The following CHD6 variants were observed in gnomAD, a reference collection of about 807,000 sequenced individuals.
The protein encoded by CHD6 is ATP-dependent chromatin remodeler CHD6.
Under a neutral mutation model 276.9 loss-of-function variants are expected in CHD6, and 50 were observed. The ratio of observed to expected loss-of-function variants is 0.18; its 90% CI spans 0.14 to 0.23. The LOEUF is 0.23. CHD6 is among the 10% of genes least tolerant of loss of function. CHD6 has a pLI of 1.00. For synonymous variants in CHD6, 1,173 were observed against 1,229.3 expected (o/e 0.95, Z 0.96); for missense variants, 2,564 against 3,365.8 (o/e 0.76, Z 5.89).
At chr20:41,568,257 TAATTCTGTTTA>T (rs1381229774) in intron 1 of CHD6, among the ~76,000 whole-genome samples, 1 of 152,226 alleles carries the variant, frequency 6.6e-6, no homozygotes, top group African/African-American at 2.4e-5. Context: ...TAACCGTACA[TAATTCTGTTTA>T]AATTCTTTAT....
intron 1 of CHD6, chr20:41,564,114 C>A (rs1345404538): frequency 1.3e-6 from 1 of 776,606 alleles, no homozygotes; most frequent in Admixed American, 1.7e-5. Flanking sequence ...ATTTACAGAA[C>A]TGGTACAAAA....
chr20:41,410,919 CGAGACAA>C (rs2046823538), intron 36 of CHD6, among the ~76,000 whole-genome samples: 1 of 151,902 alleles, frequency 6.6e-6, no homozygotes, highest in Admixed American at 6.6e-5. Context: ...CACCGTGTGC[CGAGACAA>C]AAGGAGAAGG....
chr20:41,595,197 T>C lies in CHD6; in HGVS notation c.-24+23143A>G, dbSNP rs35316570. Among the ~76,000 whole-genome samples, 699 of 152,262 alleles carry C rather than the reference T, an allele frequency of 4.6e-3. 2 individuals carry two copies. Among genetic ancestry groups the C allele is most frequent in the Non-Finnish European group, 8.2e-3 (559 of 68,006 alleles). On this transcript the variant is annotated intron_variant, in intron 1 of 36. Coordinates refer to ENST00000373233, the MANE Select transcript of CHD6 (RefSeq NM_032221.5). ...GCAGGAGGAAAGGGCCTACTGATAC[T>C]GTGGCGACCCAGTAACTGTGCACAG... is the stretch of plus-strand genomic sequence containing the variant.
chr20:41,491,669 A>C lies in CHD6; in HGVS notation c.1436+29T>G, dbSNP rs149172756. On this transcript the variant is annotated intron_variant, in intron 11 of 36. Coordinates refer to ENST00000373233, the MANE Select transcript of CHD6 (RefSeq NM_032221.5). ...AAGGCAATAATATACCTCTGGGTAC[A>C]AACATCTGGGCTGGTTTTGGTTCCT... 188 of 1,613,364 alleles carry C rather than the reference A, an allele frequency of 1.2e-4. No homozygotes were observed. The African/African-American group carries it at 2.2e-3, about 19-fold the overall frequency.
chr20:41,559,363 A>G (rs6102465), intron 1 of CHD6, among the ~76,000 whole-genome samples: 8,195 of 152,202 alleles, frequency 0.054, 755 homozygotes, highest in African/African-American at 0.19. Flanking sequence ...TCTATCTCAA[A>G]ACAGTAACAA....
intron 1 of CHD6, among the ~76,000 whole-genome samples, chr20:41,586,851 C>T (rs972832580): frequency 6.6e-6 from 1 of 152,030 alleles, no homozygotes; most frequent in Non-Finnish European, 1.5e-5. Context: ...AAGGCATTGA[C>T]AAAAAACGTA....
In CHD6 at chr20:41,531,831, GCATTCTTAA is replaced by G. The variant is rs375392999; in HGVS notation, c.554+1210_554+1218del. ...CGTTGCAACACACACCACTTAAAAT[GCATTCTTAA>G]AATTACCTCCTTCATGCCTGACCAA... On this transcript the variant is annotated intron_variant, in intron 3 of 36. Transcript: ENST00000373233. Among the ~76,000 whole-genome samples the G allele has an allele frequency of 6.4e-3, 977 of 152,276 alleles. 11 individuals carry two copies. The highest frequency in any genetic ancestry group is 0.024 in the Middle Eastern group (7 of 294).
rs1261547998 is a variant in CHD6 at position 41,416,807 on chromosome 20, A to G, written c.6280-13T>C. ...TTATCACGCGGTCCTAGAAAAAAGG[A>G]TAAAGCTCTGATGAATAAGGATCGA... On this transcript the variant is annotated splice_polypyrimidine_tract_variant and intron_variant, in intron 32 of 36. Transcript: ENST00000373233. The G allele has an allele frequency of 6.6e-7, 1 of 1,521,916 alleles. No individual in the cohort carries two copies. The highest frequency in any genetic ancestry group is 1.2e-5 in the South Asian group (1 of 80,290). 94.3% of individuals were successfully genotyped at this position (1,521,916 alleles called of 1,614,324 possible). A position where few individuals can be genotyped will look rare whatever the true frequency, so the allele number is the denominator to read the frequency against.
intron 25 of CHD6, among the ~76,000 whole-genome samples, chr20:41,445,196 A>C (rs552817639): frequency 6.6e-5 from 10 of 152,334 alleles, no homozygotes; most frequent in African/African-American, 2.2e-4. Flanking sequence ...GCTATCTTCT[A>C]TGCTTAGTTT....
At chr20:41,570,572 A>C (rs1032772588) in intron 1 of CHD6, among the ~76,000 whole-genome samples, 1 of 152,244 alleles carries the variant, frequency 6.6e-6, no homozygotes, top group African/African-American at 2.4e-5. Flanking sequence ...ATAAGGAAAC[A>C]ATTTTTACAA....
In CHD6 at chr20:41,597,350, C is replaced by T. The variant is rs1036617861; in HGVS notation, c.-24+20990G>A. Among the ~76,000 whole-genome samples, 11 of 152,272 alleles carry T rather than the reference C, an allele frequency of 7.2e-5. 1 individual carries two copies. The highest frequency in any genetic ancestry group is 6.2e-4 in the South Asian group (3 of 4,820). On this transcript the variant is annotated intron_variant, in intron 1 of 36. Transcript: ENST00000373233. The stretch of plus-strand genomic sequence containing the variant: ...GGGTTGCCTTATTTAAATTCCACTA[C>T]GGACCTCCCGACATTTGAGACAAAG...
chr20:41,438,529 G>C (rs574465453), intron 26 of CHD6, among the ~76,000 whole-genome samples: 11 of 152,066 alleles, frequency 7.2e-5, no homozygotes, highest in African/African-American at 2.4e-4. Context: ...GGTGGAGGCT[G>C]CAATGAGCCG....
At chr20:41,515,385 C>G (rs1475610424) in intron 3 of CHD6, among the ~76,000 whole-genome samples, 1 of 152,126 alleles carries the variant, frequency 6.6e-6, no homozygotes, top group Non-Finnish European at 1.5e-5. Flanking sequence ...ACACTAGGCA[C>G]TCAAAAATGA....
chr20:41,445,635 A>G, intron 25 of CHD6, 30 bp downstream of exon 25: 1 of 1,465,592 alleles, frequency 6.8e-7, no homozygotes, highest in Non-Finnish European at 9.6e-7. Flanking sequence ...AAACTGATAC[A>G]GAAGGGAACG....
rs555247266 is a variant in CHD6, at chr20:41,602,582, A to G, written c.-24+15758T>C. The stretch of plus-strand genomic sequence containing the variant: ...TCCCTGGTGGACAGTCTCTAATCCA[A>G]CTGTGCCTCTGCACTGCTCCTCGCA... On this transcript the variant is annotated intron_variant, in intron 1 of 36. Transcript: ENST00000373233. Among the ~76,000 whole-genome samples the G allele has an allele frequency of 5.9e-5, 9 of 152,296 alleles. No homozygotes were observed. The South Asian group carries it at 1.2e-3, about 21-fold the overall frequency.
Position 41,487,657 on chromosome 20 carries a change from CT to C in CHD6, c.2001+7del, listed in dbSNP as rs2043450433. The C allele has an allele frequency of 6.3e-7, 1 of 1,597,418 alleles. No individual in the cohort carries two copies. The highest frequency in any genetic ancestry group is 8.5e-7 in the Non-Finnish European group (1 of 1,175,818). On this transcript the variant is annotated splice_region_variant and intron_variant, in intron 14 of 36. Coordinates refer to ENST00000373233, the MANE Select transcript of CHD6 (RefSeq NM_032221.5). ...ACTGTCTCCTCAATTCTTTGGGTCC[CT>C]AATTACCTGCTCCTCTGTTTTCAGA...
intron 1 of CHD6, among the ~76,000 whole-genome samples, chr20:41,610,010 C>A (rs986060713): frequency 6.6e-6 from 1 of 151,888 alleles, no homozygotes; most frequent in African/African-American, 2.4e-5. Flanking sequence ...GCATCTGCCA[C>A]CATGCTTGGC....
chr20:41,481,756 C>T (rs1056381573), intron 16 of CHD6, among the ~76,000 whole-genome samples: 6 of 151,464 alleles, frequency 4.0e-5, no homozygotes, highest in Non-Finnish European at 7.4e-5. Context: ...CCTTAAAATG[C>T]TGAAAAATTG....
At chr20:41,527,899 C>T (rs2044583319) in intron 3 of CHD6, among the ~76,000 whole-genome samples, 1 of 152,048 alleles carries the variant, frequency 6.6e-6, no homozygotes, top group Non-Finnish European at 1.5e-5. Context: ...TGAGAGTAGC[C>T]CTCTCTCGTT....
Sources: gnomAD v4.1 joint callset for allele counts (sites outside exome capture counted in the v4.1 genomes callset) on GRCh38, gnomAD v4.1.1 for gene constraint, MANE v1.5 for transcripts, NCBI Gene and HGNC (gene_info 2026-07-23, HGNC 2026-07-21) for gene names.